Variants in CCDC148 observed in about 807,000 individuals in gnomAD.
CCDC148 encodes coiled-coil domain-containing protein 148.
In CCDC148, 89 loss-of-function variants were observed where a neutral mutation model predicts 85.7. That is an observed-to-expected ratio of 1.04 (90% CI 0.87 to 1.24). The LOEUF is 1.24. Among genes scored for constraint, CCDC148 ranks in the 50% most tolerant of loss-of-function variants. The probability of loss-of-function intolerance (pLI) is 0.00; values close to 1 mark genes in which losing one functional copy is unlikely to be tolerated. For missense variants in CCDC148, 692 were observed against 671.7 expected (o/e 1.03, Z -0.33); for synonymous variants, 230 against 213.9 (o/e 1.08, Z -0.66).
At chr2:158,409,093 T>G (rs1686148263) in intron 1 of CCDC148, among the ~76,000 whole-genome samples, 1 of 152,050 alleles carries the variant, frequency 6.6e-6, no homozygotes, top group South Asian at 2.1e-4. Flanking sequence ...TATGTATATA[T>G]AATTTTTTTC....
intron 1 of CCDC148, among the ~76,000 whole-genome samples, chr2:158,361,073 C>T (rs1225516952): frequency 1.3e-5 from 2 of 151,422 alleles, no homozygotes; most frequent in Non-Finnish European, 2.9e-5. Flanking sequence ...GAAAGGATAT[C>T]AGAGATTAAA....
chr2:158,199,107 A>C (rs1022992179), intron 11 of CCDC148, among the ~76,000 whole-genome samples: 1 of 152,180 alleles, frequency 6.6e-6, no homozygotes, highest in Non-Finnish European at 1.5e-5. Context: ...TGAATTAAGA[A>C]AACATGTCTT....
At chr2:158,318,433 C>A (rs576899167) in intron 7 of CCDC148, among the ~76,000 whole-genome samples, 1 of 152,196 alleles carries the variant, frequency 6.6e-6, no homozygotes, top group African/African-American at 2.4e-5. Flanking sequence ...AAACTTGTGC[C>A]AAATTCCAAA....
intron 1 of CCDC148, among the ~76,000 whole-genome samples, chr2:158,437,105 GA>G (rs1205256286): frequency 2.6e-5 from 4 of 152,220 alleles, no homozygotes; most frequent in African/African-American, 9.6e-5. Context: ...GAAAAAGAGG[GA>G]ATCCTCCCTA....
chr2:158,208,329 TAGA>T (rs1293359484), intron 11 of CCDC148, among the ~76,000 whole-genome samples: 2 of 134,922 alleles, frequency 1.5e-5, no homozygotes, highest in Non-Finnish European at 3.2e-5. Flanking sequence ...CTGTGAACTG[TAGA>T]AGGTGTTCTC....
rs113345208 is a variant in CCDC148 at position 158,350,541 on chromosome 2, C to T, written c.148-5223G>A. ...CTAAAAAACACTCACACTTTTGGTCCAGATGTCCCAATCATGGGAATTTTT... is the reference window on the plus strand; with the variant it reads ...CTAAAAAACACTCACACTTTTGGTCTAGATGTCCCAATCATGGGAATTTTT... On this transcript the variant is annotated intron_variant, in intron 2 of 13. Coordinates refer to ENST00000283233, the MANE Select transcript of CCDC148 (RefSeq NM_138803.4). Among the ~76,000 whole-genome samples the T allele has an allele frequency of 2.1e-3, 326 of 152,186 alleles. 5 individuals carry two copies. Among genetic ancestry groups the T allele is most frequent in the African/African-American group, 7.6e-3 (316 of 41,524 alleles).
At chr2:158,220,299 C>G (rs964384384) in intron 11 of CCDC148, among the ~76,000 whole-genome samples, 4 of 152,130 alleles carry the variant, frequency 2.6e-5, no homozygotes, top group African/African-American at 9.7e-5. Context: ...GAGATAGTTA[C>G]AGCAGCAGCC....
At position 158,427,724 on chromosome 2, in the gene CCDC148, G is replaced by A. The variant is rs6746928; in HGVS notation, c.25+28691C>T. Among the ~76,000 whole-genome samples, 226 of 152,138 alleles carry A rather than the reference G, an allele frequency of 1.5e-3. 6 individuals are homozygous for A. The East Asian group carries it at 0.039, about 26-fold the overall frequency. The stretch of plus-strand genomic sequence containing the variant: ...ATCTCTAAAAAAAACACAAAAATTA[G>A]GTGGGTGTGGTAGCACATGCCTATA... On this transcript the variant is annotated intron_variant, in intron 1 of 13. Transcript: ENST00000283233.
At chr2:158,235,523 C>T (rs79153601) in intron 10 of CCDC148, among the ~76,000 whole-genome samples, 1,825 of 152,232 alleles carry the variant, frequency 0.012, 13 homozygotes, top group South Asian at 0.035. Context: ...TTGTACTCCT[C>T]CTCCCAATAC....
At chr2:158,266,270 A>G (rs1241641114) in intron 9 of CCDC148, among the ~76,000 whole-genome samples, 5 of 152,116 alleles carry the variant, frequency 3.3e-5, no homozygotes, top group African/African-American at 1.2e-4. Flanking sequence ...GACTACACCC[A>G]GAGGAAGAGG....
chr2:158,223,198 G>A (rs1228981688), intron 10 of CCDC148, among the ~76,000 whole-genome samples: 3 of 152,160 alleles, frequency 2.0e-5, no homozygotes, highest in South Asian at 2.1e-4. Flanking sequence ...AGGGTCCTAC[G>A]CCCACGGATC....
intron 9 of CCDC148, among the ~76,000 whole-genome samples, chr2:158,303,799 T>C (rs940703671): frequency 2.0e-5 from 3 of 152,200 alleles, no homozygotes; most frequent in Non-Finnish European, 4.4e-5. Context: ...ACATTTTATG[T>C]TGTCTCTTAG....
intron 1 of CCDC148, among the ~76,000 whole-genome samples, chr2:158,377,783 G>A (rs1684715039): frequency 6.6e-6 from 1 of 152,050 alleles, no homozygotes; most frequent in Non-Finnish European, 1.5e-5. Flanking sequence ...TATGATTGGT[G>A]ATCTTTGATG....
chr2:158,283,835 A>T (rs2105179232), intron 9 of CCDC148, among the ~76,000 whole-genome samples: 1 of 152,236 alleles, frequency 6.6e-6, no homozygotes, highest in African/African-American at 2.4e-5. Flanking sequence ...ATGTATGTTT[A>T]TTGTGGCACT....
At chr2:158,357,475 A>C (rs2105265727) in intron 2 of CCDC148, among the ~76,000 whole-genome samples, 1 of 152,258 alleles carries the variant, frequency 6.6e-6, no homozygotes, top group Admixed American at 6.5e-5. Flanking sequence ...AATATGTATT[A>C]TGTTTATGTT....
intron 10 of CCDC148, among the ~76,000 whole-genome samples, chr2:158,225,806 G>C (rs1687484321): frequency 6.6e-6 from 1 of 152,146 alleles, no homozygotes; most frequent in African/African-American, 2.4e-5. Context: ...ATTCAAAGCA[G>C]TGTGTAGAGG....
At chr2:158,406,852 A>C (rs1171392604) in intron 1 of CCDC148, among the ~76,000 whole-genome samples, 1 of 151,798 alleles carries the variant, frequency 6.6e-6, no homozygotes, top group Non-Finnish European at 1.5e-5. Context: ...TCAACTCCTG[A>C]ACTCCAGTGA....
intron 1 of CCDC148, among the ~76,000 whole-genome samples, chr2:158,436,860 T>A (rs1413872108): frequency 6.6e-6 from 1 of 152,092 alleles, no homozygotes; most frequent in Non-Finnish European, 1.5e-5. Context: ...TCTACGGAAA[T>A]AAACTAGAAA....
intron 1 of CCDC148, among the ~76,000 whole-genome samples, chr2:158,413,241 C>G (rs1559128395): frequency 6.6e-6 from 1 of 152,012 alleles, no homozygotes; most frequent in Non-Finnish European, 1.5e-5. Context: ...CTCTCTCAAA[C>G]ATATTATCCC....
Sources: gnomAD v4.1 joint callset for allele counts (sites outside exome capture counted in the v4.1 genomes callset) on GRCh38, gnomAD v4.1.1 for gene constraint, MANE v1.5 for transcripts, NCBI Gene and HGNC (gene_info 2026-07-23, HGNC 2026-07-21) for gene names.